ZNF709: variants seen among roughly 807,000 people sequenced by gnomAD.
ZNF709 encodes the protein zinc finger protein 709.
Under a neutral mutation model 10.6 loss-of-function variants are expected in ZNF709, and 15 were observed. The observed-to-expected ratio is 1.41, with a 90% CI of 0.95 to 2.18. The LOEUF is 2.18. Among genes scored for constraint, ZNF709 ranks in the 30% most tolerant of loss-of-function variants. ZNF709 has a pLI of 0.00. For missense variants in ZNF709, 589 were observed against 774.0 expected, an observed-to-expected ratio of 0.76 and a Z score of 2.84; for synonymous variants, 194 against 238.8, an observed-to-expected ratio of 0.81 and a Z score of 1.73.
intron 2 of ZNF709, 71 bp from the exon 3 acceptor site, chr19:12,466,590 A>C (rs560553307): frequency 5.0e-5 from 81 of 1,604,968 alleles, no homozygotes; most frequent in Admixed American, 2.0e-4. Flanking sequence ...TTCTAAATCT[A>C]GGATGAGCTG....
intron 1 of ZNF709, among the ~76,000 whole-genome samples, chr19:12,470,976 T>C (rs544725891): frequency 6.6e-6 from 1 of 151,072 alleles, no homozygotes; most frequent in East Asian, 2.0e-4. Context: ...GTTTATGGAA[T>C]CAATAGAGTA....
intron 1 of ZNF709, among the ~76,000 whole-genome samples, chr19:12,475,427 G>A (rs1195653340): frequency 6.6e-6 from 1 of 152,008 alleles, no homozygotes; most frequent in Non-Finnish European, 1.5e-5. Flanking sequence ...TAAATGTATG[G>A]TTAAGCTAAC....
chr19:12,477,522 T>C (rs1479562240), intron 1 of ZNF709, among the ~76,000 whole-genome samples: 1 of 152,326 alleles, frequency 6.6e-6, no homozygotes, highest in East Asian at 1.9e-4. Flanking sequence ...CATACTTATT[T>C]GTCTTCTATT....
At position 12,462,131 on chromosome 19, in the gene ZNF709, A is replaced by G. The variant is rs1970522231; in HGVS notation, c.*1865T>C. The G allele has an allele frequency of 6.6e-6, 1 of 151,780 alleles. No individual in the cohort carries two copies. The highest frequency in any genetic ancestry group is 1.5e-5 in the Non-Finnish European group (1 of 68,058). 9.4% of individuals were successfully genotyped at this position (151,780 alleles called of 1,614,324 possible). A position where few individuals can be genotyped will look rare whatever the true frequency, so the allele number is the denominator to read the frequency against. On this transcript the variant is annotated 3_prime_UTR_variant, in exon 4 of 4. Transcript: ENST00000397732. ...AGGGAAAGAAAGAAGGAAGGAAGGA[A>G]GGAAAATATGGCAGTCAAGCAGTTA...
At chr19:12,480,491 C>G (rs1329110254) in intron 1 of ZNF709, among the ~76,000 whole-genome samples, 8 of 151,896 alleles carry the variant, frequency 5.3e-5, no homozygotes, top group Admixed American at 3.3e-4. Flanking sequence ...AGACCATCCT[C>G]GCTAACACGG....
chr19:12,469,381 C>T (rs144557828), intron 1 of ZNF709, among the ~76,000 whole-genome samples: 3 of 152,262 alleles, frequency 2.0e-5, no homozygotes, highest in South Asian at 4.1e-4. Context: ...CCCAGTGTTT[C>T]TTTTTTCTCC....
chr19:12,483,510 AC>A (rs1375255669), intron 1 of ZNF709, among the ~76,000 whole-genome samples: 1 of 151,580 alleles, frequency 6.6e-6, no homozygotes, highest in African/African-American at 2.4e-5. Flanking sequence ...GAAATATTTT[AC>A]ATCCACTCTA....
At chr19:12,478,134 C>T (rs562425563) in intron 1 of ZNF709, among the ~76,000 whole-genome samples, 1 of 151,942 alleles carries the variant, frequency 6.6e-6, no homozygotes, top group African/African-American at 2.4e-5. Context: ...GGACTCGGCC[C>T]ACCATCTAAC....
At chr19:12,469,489 C>T (rs941600840) in intron 1 of ZNF709, among the ~76,000 whole-genome samples, 3 of 152,076 alleles carry the variant, frequency 2.0e-5, no homozygotes, top group African/African-American at 7.2e-5. Context: ...TAAATCTTCA[C>T]CAGGCGCGGT....
At position 12,461,274 on chromosome 19, in the gene ZNF709, A is replaced by G. The variant is rs1347680128; in HGVS notation, c.*2722T>C. The G allele has an allele frequency of 6.6e-6, 1 of 152,252 alleles. No individual in the cohort carries two copies. Among genetic ancestry groups the G allele is most frequent in the Admixed American group, 6.5e-5 (1 of 15,286 alleles). The allele number at this position is 152,252 out of a possible 1,614,324, so 9.4% of individuals were successfully genotyped here. A position where few individuals can be genotyped will look rare whatever the true frequency, so the allele number is the denominator to read the frequency against. The stretch of plus-strand genomic sequence containing the variant: ...AAGTTATTTGAAAAGTTAATAAAAT[A>G]TTTCTAAGAAACATCTACAGAAGCT... On this transcript the variant is annotated 3_prime_UTR_variant, in exon 4 of 4. Coordinates refer to ENST00000397732, the MANE Select transcript of ZNF709 (RefSeq NM_152601.4).
chr19:12,470,231 A>G (rs898284898), intron 1 of ZNF709, among the ~76,000 whole-genome samples: 2 of 152,174 alleles, frequency 1.3e-5, no homozygotes, highest in Non-Finnish European at 2.9e-5. Flanking sequence ...GAAAAAGATC[A>G]TTAACCTACT....
Position 12,466,498 on chromosome 19 carries a change from T to C in ZNF709, c.152A>G (p.Asn51Ser), listed in dbSNP as rs369856675. ...CCCCTGATTTTTGTGATCTTCAATG[T>C]TCTTCTCCTCCCAGTTTTCCCCTAA... ...ASIGENWEEK[N>S]IEDHKNQGRK... Residue 51 changes from asparagine to serine, a missense_variant, in exon 3 of 4, where the codon AAC (asparagine) becomes AGC (serine). By Grantham distance (46) the Asn-to-Ser change is conservative. Coordinates refer to ENST00000397732, the MANE Select transcript of ZNF709 (RefSeq NM_152601.4). 1.7e-4 allele frequency: 270 copies of C among 1,613,994 alleles called. No individual in the cohort carries two copies. The highest frequency in any genetic ancestry group is 2.2e-4 in the Non-Finnish European group (256 of 1,180,024).
At chr19:12,484,597 G>A (rs905563128) in intron 1 of ZNF709, 58 bp downstream of exon 1, 55 of 1,603,880 alleles carry the variant, frequency 3.4e-5, no homozygotes, top group Non-Finnish European at 4.3e-5. Context: ...AGCCAGATCC[G>A]GCCGGTTTCA....
At chr19:12,470,710 A>G (rs533569142) in intron 1 of ZNF709, among the ~76,000 whole-genome samples, 1 of 152,068 alleles carries the variant, frequency 6.6e-6, no homozygotes, top group South Asian at 2.1e-4. Flanking sequence ...GGCGGATCAC[A>G]AGGTCAGGAG....
At chr19:12,477,264 T>A (rs1369541608) in intron 1 of ZNF709, among the ~76,000 whole-genome samples, 1 of 152,186 alleles carries the variant, frequency 6.6e-6, no homozygotes, top group East Asian at 1.9e-4. Context: ...AAACAAGTTT[T>A]ACATAATACT....
In ZNF709 at chr19:12,465,265, T is replaced by C. The variant is rs374009759; in HGVS notation, c.657A>G (p.Thr219=). The change falls in exon 4 of 4, where the codon ACA becomes ACG. Residue 219 remains threonine, a synonymous_variant. Transcript: ENST00000397732. Reference sequence around the variant, plus strand: ...CTTTACATTTATAGGGTTTCTCCCCTGTGTGCATTCTCATGTGTCCTCGAA... The same window carrying C: ...CTTTACATTTATAGGGTTTCTCCCCCGTGTGCATTCTCATGTGTCCTCGAA... ...TTFRGHMRMH[T]GEKPYKCKEC... 2.4e-5 allele frequency: 38 copies of C among 1,612,758 alleles called. No individual in the cohort carries two copies. Among genetic ancestry groups the C allele is most frequent in the Non-Finnish European group, 3.1e-5 (37 of 1,179,414 alleles).
chr19:12,480,266 T>C lies in ZNF709; in HGVS notation c.3+4389A>G, dbSNP rs138213240. Among the ~76,000 whole-genome samples the C allele has an allele frequency of 9.0e-4, 137 of 152,324 alleles. No homozygotes were observed. The East Asian group carries it at 0.017, about 19-fold the overall frequency. On this transcript the variant is annotated intron_variant, in intron 1 of 3. Coordinates refer to ENST00000397732, the MANE Select transcript of ZNF709 (RefSeq NM_152601.4). ...TGACAAGGTGCATTATTATGTGTCCTACCATCTCACACTGGGAGGTGCTAT... is the reference window on the plus strand; with the variant it reads ...TGACAAGGTGCATTATTATGTGTCCCACCATCTCACACTGGGAGGTGCTAT...
At chr19:12,481,081 G>A in intron 1 of ZNF709, 1 of 771,810 alleles carries the variant, frequency 1.3e-6, no homozygotes, top group South Asian at 5.9e-5. Context: ...ACGATGCCTG[G>A]CCTCTTTTAA....
At chr19:12,477,592 C>G (rs1295138168) in intron 1 of ZNF709, among the ~76,000 whole-genome samples, 1 of 152,168 alleles carries the variant, frequency 6.6e-6, no homozygotes, top group South Asian at 2.1e-4. Context: ...TTTAGTGGGT[C>G]TCCCAGGTAT....
Sources: gnomAD v4.1 joint callset for allele counts (sites outside exome capture counted in the v4.1 genomes callset) on GRCh38, gnomAD v4.1.1 for gene constraint, MANE v1.5 for transcripts, NCBI Gene and HGNC (gene_info 2026-07-23, HGNC 2026-07-21) for gene names.